The following AGTPBP1 variants were observed in gnomAD, a reference collection of about 807,000 sequenced individuals.
AGTPBP1 encodes cytosolic carboxypeptidase 1.
A neutral mutation model predicts 143.9 loss-of-function variants in AGTPBP1; 70 were observed. That is an observed-to-expected ratio of 0.49 (90% CI 0.40 to 0.59). AGTPBP1 has a LOEUF of 0.59. AGTPBP1 is among the 20% of genes least tolerant of loss of function. The pLI is 0.00. For missense variants in AGTPBP1, 1,229 were observed against 1,464.5 expected, an observed-to-expected ratio of 0.84 and a Z score of 2.62; for synonymous variants, 463 against 500.2, an observed-to-expected ratio of 0.93 and a Z score of 0.99.
At chr9:85,687,918 C>T (rs1299571733) in intron 3 of AGTPBP1, among the ~76,000 whole-genome samples, 4 of 151,112 alleles carry the variant, frequency 2.6e-5, no homozygotes, top group Non-Finnish European at 5.9e-5. Context: ...GGTGAAACCC[C>T]GTCTCTACTA....
intron 18 of AGTPBP1, among the ~76,000 whole-genome samples, chr9:85,595,903 C>T (rs1430411311): frequency 6.6e-6 from 1 of 152,022 alleles, no homozygotes; most frequent in Non-Finnish European, 1.5e-5. Context: ...AGCTGATGTA[C>T]TGTATTTGGA....
intron 8 of AGTPBP1, among the ~76,000 whole-genome samples, chr9:85,663,147 T>C (rs1419558991): frequency 2.0e-5 from 3 of 152,146 alleles, no homozygotes; most frequent in African/African-American, 7.2e-5. Flanking sequence ...CAAGGCAGAA[T>C]ACCAGAAAAT....
chr9:85,728,030 TACACACAC>T (rs57676033), intron 1 of AGTPBP1, among the ~76,000 whole-genome samples: 1,646 of 128,406 alleles, frequency 0.013, 23 homozygotes, highest in African/African-American at 0.031. Context: ...TATATTTATA[TACACACAC>T]ACACACACAC....
rs58719163 is a variant in AGTPBP1 at position 85,689,925 on chromosome 9, A to AAAAT, written c.157+2763_157+2764insATTT. On this transcript the variant is annotated intron_variant, in intron 3 of 25. Transcript: ENST00000357081. ...AAAAAAAAAAAAAAAAAAAAAAAAA[A>AAAAT]ATATATATATATATATATATATCTT... is the stretch of plus-strand genomic sequence containing the variant. 5.8e-3 allele frequency among the ~76,000 whole-genome samples: 420 copies of AAAAT among 72,382 alleles called. 5 individuals carry two copies. The highest frequency in any genetic ancestry group is 8.2e-3 in the Non-Finnish European group (341 of 41,760). The allele number at this position is 72,382 out of a possible 152,430, so 47.5% of individuals were successfully genotyped here.
chr9:85,595,395 G>C (rs1334621953), intron 18 of AGTPBP1, among the ~76,000 whole-genome samples: 2 of 152,180 alleles, frequency 1.3e-5, no homozygotes, highest in African/African-American at 2.4e-5. Context: ...ACATTAGCTG[G>C]AAACATTTGC....
chr9:85,798,691 A>T, the AGTPBP1 span, among the ~76,000 whole-genome samples: 2 of 151,678 alleles, frequency 1.3e-5, no homozygotes, highest in South Asian at 4.2e-4. Flanking sequence ...TTGTTTGTTC[A>T]TTGTAGGTTC....
At chr9:85,786,485 C>T in the AGTPBP1 span, 2 of 1,613,818 alleles carry the variant, frequency 1.2e-6, no homozygotes, top group Non-Finnish European at 1.7e-6. Flanking sequence ...CGCCTTGGAA[C>T]TATCATTGCG....
intron 13 of AGTPBP1, among the ~76,000 whole-genome samples, chr9:85,641,433 CA>C (rs1832456127): frequency 6.6e-6 from 1 of 152,146 alleles, no homozygotes; most frequent in African/African-American, 2.4e-5. Context: ...TACCCTTTCT[CA>C]AATGCCTCTT....
chr9:85,732,590 A>G (rs1223044211), intron 1 of AGTPBP1, among the ~76,000 whole-genome samples: 1 of 152,224 alleles, frequency 6.6e-6, no homozygotes, highest in African/African-American at 2.4e-5. Context: ...CTAATATGGC[A>G]TATAAAAAAC....
intron 17 of AGTPBP1, among the ~76,000 whole-genome samples, chr9:85,611,092 A>C (rs1830284451): frequency 1.3e-5 from 2 of 151,938 alleles, no homozygotes; most frequent in African/African-American, 4.8e-5. Flanking sequence ...CAGATGGAGC[A>C]AGACTGAAAA....
At chr9:85,609,571 G>A (rs1243201209) in intron 17 of AGTPBP1, among the ~76,000 whole-genome samples, 3 of 152,102 alleles carry the variant, frequency 2.0e-5, no homozygotes, top group East Asian at 1.9e-4. Context: ...GTGAGCCACC[G>A]CGCCCGGCCA....
At chr9:85,712,790 C>T (rs1358894774) in intron 1 of AGTPBP1, among the ~76,000 whole-genome samples, 1 of 152,094 alleles carries the variant, frequency 6.6e-6, no homozygotes, top group African/African-American at 2.4e-5. Context: ...TATCAAAATC[C>T]GGAGCTACAA....
intron 2 of AGTPBP1, among the ~76,000 whole-genome samples, chr9:85,705,654 A>C (rs1836939909): frequency 6.6e-6 from 1 of 152,212 alleles, no homozygotes; most frequent in Non-Finnish European, 1.5e-5. Context: ...AGCGTATGAC[A>C]AACAGCACAA....
At chr9:85,589,884 T>C (rs1828848437) in intron 19 of AGTPBP1, among the ~76,000 whole-genome samples, 2 of 152,122 alleles carry the variant, frequency 1.3e-5, no homozygotes. Flanking sequence ...TCATTAATTA[T>C]GCAGCACCAC....
intron 25 of AGTPBP1, among the ~76,000 whole-genome samples, chr9:85,563,323 T>C (rs961843775): frequency 4.6e-5 from 7 of 152,226 alleles, no homozygotes; most frequent in African/African-American, 1.7e-4. Context: ...AGAGCAATTC[T>C]GGTGAGGCTC....
At chr9:85,628,637 C>G (rs1047937795) in intron 14 of AGTPBP1, among the ~76,000 whole-genome samples, 1 of 152,162 alleles carries the variant, frequency 6.6e-6, no homozygotes, top group Non-Finnish European at 1.5e-5. Context: ...CATTTTGGAG[C>G]CAGTCCTGTT....
chr9:85,648,168 T>A (rs774472030), intron 11 of AGTPBP1, among the ~76,000 whole-genome samples: 9 of 152,212 alleles, frequency 5.9e-5, no homozygotes, highest in African/African-American at 2.2e-4. Flanking sequence ...TTTCTTTGTC[T>A]ATAAAATGGA....
chr9:85,586,595 AT>A (rs1390018152), intron 22 of AGTPBP1, among the ~76,000 whole-genome samples: 1 of 152,194 alleles, frequency 6.6e-6, no homozygotes, highest in Non-Finnish European at 1.5e-5. Flanking sequence ...TTACCTTAGT[AT>A]TGTTCAAACA....
At chr9:85,774,078 G>A in the AGTPBP1 span, 2 of 1,286,772 alleles carry the variant, frequency 1.6e-6, no homozygotes, top group East Asian at 4.6e-5. Context: ...TGATGTGTAG[G>A]TGTGGGTACT....
Sources: allele counts gnomAD v4.1 joint callset (sites outside exome capture counted in the v4.1 genomes callset), GRCh38; gene constraint gnomAD v4.1.1; transcripts MANE v1.5; gene names NCBI Gene and HGNC (gene_info 2026-07-23, HGNC 2026-07-21).